The following MARCHF1 variants were observed in gnomAD, a reference collection of about 807,000 sequenced individuals.
MARCHF1 encodes membrane associated ring-CH-type finger 1, also known as E3 ubiquitin-protein ligase MARCHF1.
A neutral mutation model predicts 54.2 loss-of-function variants in MARCHF1; 40 were observed. The ratio of observed to expected loss-of-function variants is 0.74; its 90% CI spans 0.57 to 0.96. The LOEUF (loss-of-function observed/expected upper bound fraction) is 0.96. MARCHF1 is among the 40% of genes least tolerant of loss of function. The pLI, the probability that MARCHF1 is intolerant of heterozygous loss-of-function variation, is 0.00. For missense variants in MARCHF1, 586 were observed against 656.5 expected, an observed-to-expected ratio of 0.89 and a Z score of 1.17; for synonymous variants, 236 against 236.3, an observed-to-expected ratio of 1.00 and a Z score of 0.01.
chr4:163,910,018 T>C (rs1023244711), intron 3 of MARCHF1, among the ~76,000 whole-genome samples: 8 of 152,196 alleles, frequency 5.3e-5, no homozygotes, highest in African/African-American at 9.7e-5. Flanking sequence ...AATTATTTAA[T>C]TGTATCTCAC....
chr4:164,002,273 C>T (rs1753199849), intron 2 of MARCHF1, among the ~76,000 whole-genome samples: 1 of 150,514 alleles, frequency 6.6e-6, no homozygotes, highest in African/African-American at 2.4e-5. Flanking sequence ...TCAAAGAGTC[C>T]AAAAATGGAG....
At chr4:164,380,936 A>G (rs1246529851) in intron 1 of MARCHF1, among the ~76,000 whole-genome samples, 2 of 152,222 alleles carry the variant, frequency 1.3e-5, no homozygotes. Flanking sequence ...AGTTTAAGAC[A>G]CAATTTTGCC....
At chr4:164,216,815 G>A (rs1463590530) in intron 1 of MARCHF1, among the ~76,000 whole-genome samples, 1 of 152,114 alleles carries the variant, frequency 6.6e-6, no homozygotes. Flanking sequence ...GAAAATTCCT[G>A]ACTTTACAAA....
rs185566118 is a variant in MARCHF1 at position 163,640,853 on chromosome 4, G to A, written c.163-27460C>T. On this transcript the variant is annotated intron_variant, in intron 5 of 9. Transcript: ENST00000514618. ...TAATTTAAAGTTGGGCCAATTATTG[G>A]TTAAGGCCACCTTTTGGTTATTGAC... 2.4e-4 allele frequency among the ~76,000 whole-genome samples: 36 copies of A among 151,954 alleles called. 1 individual carries two copies. In the East Asian group the frequency reaches 7.0e-3, roughly 29 times the overall value.
At chr4:163,550,281 C>CA (rs60320461) in intron 8 of MARCHF1, among the ~76,000 whole-genome samples, 1,282 of 104,970 alleles carry the variant, frequency 0.012, 22 homozygotes, top group South Asian at 0.043. Context: ...GACTCCGTCT[C>CA]AAAAAAAAAA....
At chr4:164,190,122 G>T (rs1328460978) in intron 1 of MARCHF1, 4 of 1,518,272 alleles carry the variant, frequency 2.6e-6, no homozygotes, top group Non-Finnish European at 3.6e-6. Flanking sequence ...AAAGCTGGGA[G>T]GTAAACTTTC....
At chr4:163,815,373 TAAAG>T (rs1488663489) in intron 4 of MARCHF1, among the ~76,000 whole-genome samples, 1 of 152,206 alleles carries the variant, frequency 6.6e-6, no homozygotes, top group Non-Finnish European at 1.5e-5. Context: ...TTCTGGTTGA[TAAAG>T]AAAGGCAGAA....
intron 5 of MARCHF1, among the ~76,000 whole-genome samples, chr4:163,650,284 A>G (rs1479770149): frequency 6.6e-6 from 1 of 151,964 alleles, no homozygotes; most frequent in Non-Finnish European, 1.5e-5. Flanking sequence ...AAAAAGGGAA[A>G]ACAAAGCTAC....
chr4:163,651,899 G>A (rs1742981712), intron 5 of MARCHF1, among the ~76,000 whole-genome samples: 1 of 151,194 alleles, frequency 6.6e-6, no homozygotes, highest in Non-Finnish European at 1.5e-5. Context: ...TTTCCCTAAA[G>A]ACAATGTCAT....
At chr4:164,303,336 T>C (rs1001823163) in intron 1 of MARCHF1, among the ~76,000 whole-genome samples, 1 of 152,202 alleles carries the variant, frequency 6.6e-6, no homozygotes. Flanking sequence ...TAAGAGTGCA[T>C]ATTTCCCTTT....
At chr4:163,820,646 C>T (rs1433545373) in intron 4 of MARCHF1, among the ~76,000 whole-genome samples, 3 of 151,898 alleles carry the variant, frequency 2.0e-5, no homozygotes, top group African/African-American at 7.3e-5. Context: ...TTCTTTATTT[C>T]TAATAATAAT....
chr4:164,011,093 G>A (rs989829317), intron 2 of MARCHF1, among the ~76,000 whole-genome samples: 2 of 152,012 alleles, frequency 1.3e-5, no homozygotes, highest in South Asian at 2.1e-4. Flanking sequence ...CCCTATTCTC[G>A]AACCACGCCC....
At chr4:164,358,299 C>A (rs966495858) in intron 1 of MARCHF1, among the ~76,000 whole-genome samples, 1 of 152,058 alleles carries the variant, frequency 6.6e-6, no homozygotes, top group South Asian at 2.1e-4. Flanking sequence ...AAAGGGGAAG[C>A]CTTGAACTTG....
chr4:163,627,670 T>C (rs988261866), intron 5 of MARCHF1, among the ~76,000 whole-genome samples: 1 of 144,720 alleles, frequency 6.9e-6, no homozygotes, highest in African/African-American at 2.5e-5. Flanking sequence ...TTAAAAAGAG[T>C]AGTCTATAGG....
At chr4:163,800,375 T>G (rs972397389) in intron 4 of MARCHF1, among the ~76,000 whole-genome samples, 1 of 151,938 alleles carries the variant, frequency 6.6e-6, no homozygotes. Context: ...CTTCCCTCAT[T>G]TAAGTGGCAC....
chr4:164,010,710 A>G (rs551658595), intron 2 of MARCHF1, among the ~76,000 whole-genome samples: 1 of 152,282 alleles, frequency 6.6e-6, no homozygotes, highest in South Asian at 2.1e-4. Context: ...TCTACAGATT[A>G]AATGCAATCC....
intron 7 of MARCHF1, among the ~76,000 whole-genome samples, chr4:163,600,419 G>A (rs530151976): frequency 4.3e-4 from 65 of 152,190 alleles, no homozygotes; most frequent in African/African-American, 1.5e-3. Context: ...ATTTTCCCAG[G>A]TGAGTGTAAC....
At chr4:163,618,155 T>C (rs1295855512) in intron 5 of MARCHF1, among the ~76,000 whole-genome samples, 1 of 152,188 alleles carries the variant, frequency 6.6e-6, no homozygotes, top group Non-Finnish European at 1.5e-5. Context: ...TATTCATTTG[T>C]ACATGTTCCG....
chr4:164,179,965 A>G (rs952071005), intron 1 of MARCHF1, among the ~76,000 whole-genome samples: 2 of 148,820 alleles, frequency 1.3e-5, no homozygotes, highest in African/African-American at 5.0e-5. Flanking sequence ...TTAACTCCAT[A>G]CTAGATGGTA....
Sources: gnomAD v4.1 joint callset for allele counts (sites outside exome capture counted in the v4.1 genomes callset) on GRCh38, gnomAD v4.1.1 for gene constraint, MANE v1.5 for transcripts, NCBI Gene and HGNC (gene_info 2026-07-23, HGNC 2026-07-21) for gene names.